The following LHFPL3 variants were observed in gnomAD, a reference collection of about 807,000 sequenced individuals.
LHFPL3 encodes the protein LHFPL tetraspan subfamily member 3, also known as LHFPL tetraspan subfamily member 3 protein.
A neutral mutation model predicts 19.3 loss-of-function variants in LHFPL3; 5 were observed. That is an observed-to-expected ratio of 0.26 (90% CI 0.14 to 0.54). The LOEUF (loss-of-function observed/expected upper bound fraction) is 0.54. Ranked by LOEUF, LHFPL3 falls within the 20% of genes least tolerant of loss-of-function variation. LHFPL3 has a pLI of 0.94. For missense variants in LHFPL3, 249 were observed against 307.4 expected, an observed-to-expected ratio of 0.81 and a Z score of 1.42; for synonymous variants, 133 against 126.2, an observed-to-expected ratio of 1.05 and a Z score of -0.36.
intron 1 of LHFPL3, among the ~76,000 whole-genome samples, chr7:104,645,005 A>C (rs578015212): frequency 2.2e-4 from 33 of 152,254 alleles, no homozygotes; most frequent in African/African-American, 4.8e-4. Flanking sequence ...CCTTGTCTCC[A>C]CTGTGATCTT....
At chr7:104,457,398 T>C (rs1243421913) in intron 1 of LHFPL3, among the ~76,000 whole-genome samples, 1 of 152,140 alleles carries the variant, frequency 6.6e-6, no homozygotes, top group Non-Finnish European at 1.5e-5. Flanking sequence ...GATAGTTTAC[T>C]GAGAATGATT....
chr7:104,803,671 C>T (rs1235490261), intron 2 of LHFPL3: 1 of 152,210 alleles, frequency 6.6e-6, no homozygotes, highest in African/African-American at 2.4e-5. Context: ...TTTCAGTTCC[C>T]TTACCCTCCT....
chr7:104,449,460 G>T (rs779074474), intron 1 of LHFPL3, among the ~76,000 whole-genome samples: 23 of 152,206 alleles, frequency 1.5e-4, no homozygotes, highest in Non-Finnish European at 3.1e-4. Context: ...ATAATTTATA[G>T]GCATTGAAGT....
chr7:104,832,748 A>C (rs1462686087), intron 2 of LHFPL3, among the ~76,000 whole-genome samples: 1 of 148,882 alleles, frequency 6.7e-6, no homozygotes, highest in Non-Finnish European at 1.5e-5. Flanking sequence ...AGGCTGAGGC[A>C]GGTGGATCAC....
intron 1 of LHFPL3, among the ~76,000 whole-genome samples, chr7:104,368,858 C>T (rs956935606): frequency 6.6e-6 from 1 of 152,162 alleles, no homozygotes; most frequent in African/African-American, 2.4e-5. Flanking sequence ...GTGCTGCATA[C>T]ATATAATATT....
At chr7:104,585,362 G>A (rs568505712) in intron 1 of LHFPL3, among the ~76,000 whole-genome samples, 1 of 151,888 alleles carries the variant, frequency 6.6e-6, no homozygotes, top group Non-Finnish European at 1.5e-5. Flanking sequence ...GTCAAGATCC[G>A]CACAGGGCTC....
intron 2 of LHFPL3, among the ~76,000 whole-genome samples, chr7:104,853,784 C>T (rs1352855776): frequency 6.6e-6 from 1 of 152,124 alleles, no homozygotes; most frequent in Non-Finnish European, 1.5e-5. Context: ...GTAGCTGGTC[C>T]TATCTGCAGC....
intron 1 of LHFPL3, among the ~76,000 whole-genome samples, chr7:104,417,842 G>A (rs548462734): frequency 6.2e-4 from 92 of 148,402 alleles, no homozygotes; most frequent in African/African-American, 2.1e-3. Flanking sequence ...ACTGTTATTC[G>A]TATTTTCTTT....
Position 104,776,839 on chromosome 7 carries a change from A to T in LHFPL3, c.682+39928A>T, listed in dbSNP as rs75084959. On this transcript the variant is annotated intron_variant, in intron 2 of 2. Transcript: ENST00000424859. ...TTGGGTAACAAACTCTACATTGTAA[A>T]AAACAATCATGGGCTTTTACAACAG... Among the ~76,000 whole-genome samples, 460 of 152,334 alleles carry T rather than the reference A, an allele frequency of 3.0e-3. 3 individuals are homozygous for T. Among genetic ancestry groups the T allele is most frequent in the African/African-American group, 0.01 (416 of 41,562 alleles).
At chr7:104,463,790 A>T (rs570330421) in intron 1 of LHFPL3, among the ~76,000 whole-genome samples, 1 of 152,230 alleles carries the variant, frequency 6.6e-6, no homozygotes, top group Non-Finnish European at 1.5e-5. Flanking sequence ...TCTGTGACAC[A>T]TGGGGATTAT....
chr7:104,872,706 A>T (rs1025344715), intron 2 of LHFPL3, among the ~76,000 whole-genome samples: 2 of 152,064 alleles, frequency 1.3e-5, no homozygotes, highest in Admixed American at 6.5e-5. Context: ...TTCCACCTCC[A>T]CATCTGGTCC....
intron 2 of LHFPL3, among the ~76,000 whole-genome samples, chr7:104,888,173 T>C (rs995136571): frequency 2.0e-5 from 3 of 152,198 alleles, no homozygotes; most frequent in Non-Finnish European, 4.4e-5. Context: ...TTTGTTTTCA[T>C]GTTTGGACAT....
chr7:104,474,687 C>CAAAAAAAAAAAAAAAAAA (rs928431129), intron 1 of LHFPL3, among the ~76,000 whole-genome samples: 4 of 41,028 alleles, frequency 9.7e-5, no homozygotes, highest in South Asian at 8.1e-4. Flanking sequence ...ACAACAACAA[C>CAAAAAAAAAAAAAAAAAA]AAAAAAAAAA....
intron 2 of LHFPL3, among the ~76,000 whole-genome samples, chr7:104,763,523 C>A (rs961258330): frequency 3.3e-5 from 5 of 152,236 alleles, no homozygotes; most frequent in African/African-American, 9.6e-5. Flanking sequence ...AGACTCCCTG[C>A]AGTGCAGCCT....
intron 1 of LHFPL3, among the ~76,000 whole-genome samples, chr7:104,696,112 G>C (rs1001539457): frequency 6.6e-6 from 1 of 151,926 alleles, no homozygotes; most frequent in Non-Finnish European, 1.5e-5. Context: ...CACCACGCCC[G>C]GCTAATTTTT....
chr7:104,707,813 A>G (rs1054260631), intron 1 of LHFPL3, among the ~76,000 whole-genome samples: 1 of 152,250 alleles, frequency 6.6e-6, no homozygotes, highest in Non-Finnish European at 1.5e-5. Flanking sequence ...AGGAGGATGC[A>G]TTAGAGGAGA....
intron 1 of LHFPL3, among the ~76,000 whole-genome samples, chr7:104,536,699 C>A (rs555589305): frequency 2.6e-5 from 4 of 152,266 alleles, no homozygotes; most frequent in East Asian, 3.9e-4. Flanking sequence ...TAATTTAATT[C>A]TTTTACACCA....
chr7:104,472,923 A>G (rs1792939142), intron 1 of LHFPL3, among the ~76,000 whole-genome samples: 1 of 152,250 alleles, frequency 6.6e-6, no homozygotes, highest in Non-Finnish European at 1.5e-5. Flanking sequence ...GAGCCTGATC[A>G]GAATAAAATT....
Position 104,387,523 on chromosome 7 carries a change from AAG to A in LHFPL3, c.445+58301_445+58302del, listed in dbSNP as rs796770004. 7.9e-5 allele frequency among the ~76,000 whole-genome samples: 12 copies of A among 152,296 alleles called. No homozygotes were observed. The East Asian group carries it at 1.9e-3, about 25-fold the overall frequency. On this transcript the variant is annotated intron_variant, in intron 1 of 2. Transcript: ENST00000424859. ...TATCTAGTCTGTAAAACAAAGAAAA[AAG>A]AATAAATAGAAATTATGAAAGTCTC...
Sources: allele counts gnomAD v4.1 joint callset (sites outside exome capture counted in the v4.1 genomes callset), GRCh38; gene constraint gnomAD v4.1.1; transcripts MANE v1.5; gene names NCBI Gene and HGNC (gene_info 2026-07-23, HGNC 2026-07-21).